The following DACH1 variants were observed in gnomAD, a reference collection of about 807,000 sequenced individuals.
The protein encoded by DACH1 is dachshund family transcription factor 1, also known as dachshund homolog 1.
DACH1 carries 12 observed loss-of-function variants against 54.2 expected under a neutral mutation model. The observed-to-expected ratio is 0.22, with a 90% CI of 0.14 to 0.36. The LOEUF (loss-of-function observed/expected upper bound fraction) is 0.36, where lower values mean the gene tolerates loss of function less well. Among genes scored for constraint, DACH1 ranks in the 10% least tolerant of loss-of-function variants. The probability of loss-of-function intolerance (pLI) is 1.00; values close to 1 mark genes in which losing one functional copy is unlikely to be tolerated. For missense variants in DACH1, 805 were observed against 929.8 expected, an observed-to-expected ratio of 0.87 and a Z score of 1.75; for synonymous variants, 386 against 366.2, an observed-to-expected ratio of 1.05 and a Z score of -0.62.
chr13:71,701,341 C>G (rs1882128989), intron 1 of DACH1, among the ~76,000 whole-genome samples: 1 of 152,062 alleles, frequency 6.6e-6, no homozygotes, highest in Non-Finnish European at 1.5e-5. Flanking sequence ...ATGTGACAAT[C>G]AGAGTTATAA....
intron 1 of DACH1, chr13:71,704,588 A>G (rs1050428733): frequency 2.1e-6 from 1 of 470,860 alleles, no homozygotes; most frequent in Non-Finnish European, 4.3e-6. Context: ...AGAGAAGCAC[A>G]CTTTATGAGA....
chr13:71,803,439 A>C (rs1566510328), intron 1 of DACH1, among the ~76,000 whole-genome samples: 3 of 152,138 alleles, frequency 2.0e-5, no homozygotes, highest in Non-Finnish European at 2.9e-5. Context: ...TATATTTACA[A>C]ATTTTAAACC....
intron 7 of DACH1, among the ~76,000 whole-genome samples, chr13:71,487,776 C>T (rs1878657807): frequency 6.6e-6 from 1 of 152,082 alleles, no homozygotes; most frequent in South Asian, 2.1e-4. Flanking sequence ...CTTTTCAGAA[C>T]ATAAATTCAG....
chr13:71,561,493 C>T (rs1249872185), intron 4 of DACH1, among the ~76,000 whole-genome samples: 1 of 152,068 alleles, frequency 6.6e-6, no homozygotes, highest in Admixed American at 6.6e-5. Context: ...AGCTTCAAGC[C>T]AGGGAATGGC....
At chr13:71,819,701 T>C (rs534812043) in intron 1 of DACH1, among the ~76,000 whole-genome samples, 1 of 152,310 alleles carries the variant, frequency 6.6e-6, no homozygotes, top group South Asian at 2.1e-4. Context: ...TGTTTCATCA[T>C]TCAAGGAACA....
At chr13:71,821,495 A>ATTTAAATTCTAAGATTTTAAATTTAAT (rs6145115) in intron 1 of DACH1, among the ~76,000 whole-genome samples, 1 of 151,842 alleles carries the variant, frequency 6.6e-6, no homozygotes, top group African/African-American at 2.4e-5. Context: ...TTAAATTTAA[A>ATTTAAATTCTAAGATTTTAAATTTAAT]ATTTTCCCCT....
chr13:71,447,959 T>G (rs961270281), intron 10 of DACH1, among the ~76,000 whole-genome samples: 30 of 152,340 alleles, frequency 2.0e-4, no homozygotes, highest in African/African-American at 6.7e-4. Flanking sequence ...GGAGTATGCT[T>G]GTGGAAGGTA....
chr13:71,671,136 C>T (rs1383672926), intron 2 of DACH1, among the ~76,000 whole-genome samples: 1 of 151,884 alleles, frequency 6.6e-6, no homozygotes, highest in African/African-American at 2.4e-5. Context: ...TTATTCCAAA[C>T]CCTATCACAA....
intron 1 of DACH1, among the ~76,000 whole-genome samples, chr13:71,807,909 G>A (rs1254405909): frequency 5.9e-5 from 7 of 118,420 alleles, no homozygotes; most frequent in South Asian, 2.4e-4. Flanking sequence ...CAGCCTCTAC[G>A]ATTACAGTTG....
chr13:71,478,343 G>A (rs1190422832), intron 8 of DACH1, among the ~76,000 whole-genome samples: 2 of 151,980 alleles, frequency 1.3e-5, no homozygotes, highest in African/African-American at 4.8e-5. Flanking sequence ...AAAACAACCT[G>A]GTAAATCCTG....
chr13:71,620,353 TATAAATA>T (rs1311472868), intron 3 of DACH1, among the ~76,000 whole-genome samples: 1 of 152,080 alleles, frequency 6.6e-6, no homozygotes, highest in African/African-American at 2.4e-5. Context: ...ACAGATTATT[TATAAATA>T]ATAAAGACTA....
chr13:71,630,439 T>C, intron 3 of DACH1, 117 bp downstream of exon 3: 3 of 1,426,956 alleles, frequency 2.1e-6, no homozygotes, highest in South Asian at 1.7e-5. Context: ...TACAGTGTTT[T>C]CAAGCTAAAA....
chr13:71,679,958 A>G (rs1008911717), intron 2 of DACH1, among the ~76,000 whole-genome samples: 7 of 152,020 alleles, frequency 4.6e-5, no homozygotes, highest in Non-Finnish European at 1.0e-4. Context: ...AAAAAAAAAA[A>G]AACGGAAAAG....
At chr13:71,852,017 A>G (rs1873701405) in intron 1 of DACH1, among the ~76,000 whole-genome samples, 1 of 152,216 alleles carries the variant, frequency 6.6e-6, no homozygotes, top group Admixed American at 6.5e-5. Context: ...ACCAATGAGT[A>G]TGTTTCATCA....
rs78426043 is a variant in DACH1 at position 71,578,608 on chromosome 13, C to A, written c.1127-5596G>T. Among the ~76,000 whole-genome samples, 887 of 152,172 alleles carry A rather than the reference C, an allele frequency of 5.8e-3. 11 individuals are homozygous for A. The highest frequency in any genetic ancestry group is 0.02 in the African/African-American group (837 of 41,542). Reference sequence around the variant, plus strand: ...GAATAACTATTTAATCCCAGTTGATCTACTTTAGGATATAAAAACACTGAA... The same window carrying A: ...GAATAACTATTTAATCCCAGTTGATATACTTTAGGATATAAAAACACTGAA... On this transcript the variant is annotated intron_variant, in intron 3 of 10. Coordinates refer to ENST00000613252, the MANE Select transcript of DACH1 (RefSeq NM_080759.6).
intron 6 of DACH1, among the ~76,000 whole-genome samples, chr13:71,546,305 A>G (rs1474998579): frequency 3.3e-5 from 5 of 152,024 alleles, no homozygotes; most frequent in Non-Finnish European, 7.4e-5. Context: ...GGGATATATA[A>G]AGAAGAAAAT....
At chr13:71,543,131 G>A (rs1349266932) in intron 6 of DACH1, among the ~76,000 whole-genome samples, 3 of 152,084 alleles carry the variant, frequency 2.0e-5, no homozygotes, top group Non-Finnish European at 4.4e-5. Context: ...GAAACAACAA[G>A]GTCTGTGTTT....
intron 10 of DACH1, among the ~76,000 whole-genome samples, chr13:71,461,101 T>A (rs1168494388): frequency 2.0e-5 from 3 of 152,104 alleles, no homozygotes; most frequent in Non-Finnish European, 4.4e-5. Flanking sequence ...TCTTCTGCAA[T>A]TTCTTTAAAT....
At chr13:71,458,388 A>T (rs1357925970) in intron 10 of DACH1, among the ~76,000 whole-genome samples, 1 of 151,974 alleles carries the variant, frequency 6.6e-6, no homozygotes, top group Non-Finnish European at 1.5e-5. Context: ...TCAATCAGCC[A>T]GTTGGAATGT....
Sources: gnomAD v4.1 joint callset for allele counts (sites outside exome capture counted in the v4.1 genomes callset) on GRCh38, gnomAD v4.1.1 for gene constraint, MANE v1.5 for transcripts, NCBI Gene and HGNC (gene_info 2026-07-23, HGNC 2026-07-21) for gene names.